MSI1: variants seen among roughly 807,000 people sequenced by gnomAD.
MSI1 encodes RNA-binding protein Musashi homolog 1.
Under a neutral mutation model 54.4 loss-of-function variants are expected in MSI1, and 15 were observed. The observed-to-expected ratio is 0.28, with a 90% CI of 0.18 to 0.42. MSI1 has a LOEUF of 0.42. Ranked by LOEUF, MSI1 falls within the 20% of genes least tolerant of loss-of-function variation. The pLI, the probability that MSI1 is intolerant of heterozygous loss-of-function variation, is 1.00. For missense variants in MSI1, 304 were observed against 506.0 expected (o/e 0.60, Z 3.83); for synonymous variants, 200 against 196.5 (o/e 1.02, Z -0.15).
In MSI1 at chr12:120,368,126, A is replaced by G; in HGVS notation, c.183-34T>C. The G allele has an allele frequency of 6.2e-7, 1 of 1,609,242 alleles. No individual in the cohort carries two copies. The highest frequency in any genetic ancestry group is 8.5e-7 in the Non-Finnish European group (1 of 1,177,864). On this transcript the variant is annotated intron_variant, in intron 3 of 14. Coordinates refer to ENST00000257552, the MANE Select transcript of MSI1 (RefSeq NM_002442.4). The surrounding 1 kb of genome is among the most constrained non-coding windows in gnomAD (Gnocchi z 6.6). Reference sequence around the variant, plus strand: ...CGTAGTGAGGGAGAGGCAGATGGTTACAAGGCAGTGAGTGGCGGGTGGAGG... The same window carrying G: ...CGTAGTGAGGGAGAGGCAGATGGTTGCAAGGCAGTGAGTGGCGGGTGGAGG...
intron 7 of MSI1, among the ~76,000 whole-genome samples, chr12:120,358,483 A>G (rs1875332851): frequency 6.6e-6 from 1 of 152,196 alleles, no homozygotes; most frequent in Non-Finnish European, 1.5e-5. Flanking sequence ...TGGAGAAACA[A>G]CCCTGTCTCC....
At chr12:120,340,886 CTTTTTTT>C (rs34926125), downstream of MSI1, among the ~76,000 whole-genome samples, 5 of 119,432 alleles carry the variant, frequency 4.2e-5, no homozygotes, top group East Asian at 2.4e-4. Context: ...TTCTCCTATT[CTTTTTTT>C]TTTTTTTTTT....
intron 9 of MSI1, among the ~76,000 whole-genome samples, chr12:120,355,192 T>C (rs1466442320): frequency 6.6e-6 from 1 of 151,312 alleles, no homozygotes; most frequent in Non-Finnish European, 1.5e-5. Flanking sequence ...GATCACGAGG[T>C]CAGGAGATCA....
chr12:120,355,984 T>C (rs1276468483), intron 9 of MSI1, among the ~76,000 whole-genome samples: 1 of 152,252 alleles, frequency 6.6e-6, no homozygotes, highest in East Asian at 1.9e-4. Context: ...AGGGAGCCTA[T>C]GAGCTTCCTG....
intron 9 of MSI1, among the ~76,000 whole-genome samples, chr12:120,355,170 C>T (rs1351834120): frequency 6.6e-6 from 1 of 151,712 alleles, no homozygotes; most frequent in East Asian, 1.9e-4. Flanking sequence ...CTTTGGGAGG[C>T]TGAGGCGGGC....
chr12:120,351,694 T>C (rs67278663), intron 10 of MSI1, among the ~76,000 whole-genome samples: 57,811 of 147,640 alleles, frequency 0.39, 13,339 homozygotes, highest in South Asian at 0.56. Context: ...GTTTCTTTTC[T>C]TTTTCTTTCT....
At chr12:120,352,611 AG>A (rs1874721932) in intron 10 of MSI1, among the ~76,000 whole-genome samples, 1 of 152,130 alleles carries the variant, frequency 6.6e-6, no homozygotes, top group Non-Finnish European at 1.5e-5. Flanking sequence ...AAGTTCTCCA[AG>A]CTGAACAGCC....
At chr12:120,362,469 C>T (rs1257848002) in intron 6 of MSI1, among the ~76,000 whole-genome samples, 3 of 152,164 alleles carry the variant, frequency 2.0e-5, no homozygotes, top group African/African-American at 7.2e-5. Context: ...ATTAAAGCTC[C>T]ATGCCCCTTA....
At chr12:120,344,230 T>C (rs1470491815) in intron 14 of MSI1, among the ~76,000 whole-genome samples, 1 of 152,228 alleles carries the variant, frequency 6.6e-6, no homozygotes, top group Non-Finnish European at 1.5e-5. Flanking sequence ...TTCCTTTTGA[T>C]GGATATTTCA....
intron 9 of MSI1, among the ~76,000 whole-genome samples, chr12:120,355,908 C>T (rs1413430895): frequency 1.3e-5 from 2 of 152,030 alleles, no homozygotes; most frequent in Admixed American, 6.5e-5. Flanking sequence ...TGTGCCACTC[C>T]CCCATGCCTG....
chr12:120,367,845 C>G (rs886285295), intron 4 of MSI1, among the ~76,000 whole-genome samples, 163 bp downstream of exon 4: 1 of 152,220 alleles, frequency 6.6e-6, no homozygotes, highest in Admixed American at 6.5e-5. Context: ...CTCTCCCCCC[C>G]AACTCTAGTG....
At chr12:120,355,359 C>G (rs528392670) in intron 9 of MSI1, among the ~76,000 whole-genome samples, 1 of 149,672 alleles carries the variant, frequency 6.7e-6, no homozygotes, top group African/African-American at 2.5e-5. Context: ...GAGCCAAGAT[C>G]CCGCCACTGC....
rs763415277 is a variant in MSI1, at chr12:120,353,397, C to A, written c.653-18G>T. 3.7e-6 allele frequency: 6 copies of A among 1,612,592 alleles called. No individual in the cohort carries two copies. The highest frequency in any genetic ancestry group is 5.1e-6 in the Non-Finnish European group (6 of 1,178,864). ...TGGGTAACCTGATGGGGCAAGGGGG[C>A]AGTGTCAGATGGCTCATCCACAGGG... On this transcript the variant is annotated intron_variant, in intron 9 of 14. Transcript: ENST00000257552.
chr12:120,347,499 G>A lies in MSI1; in HGVS notation c.806C>T (p.Ala269Val). The change falls in exon 12 of 15, where the codon GCC becomes GTC. Residue 269 changes from alanine (A) to valine (V), a missense_variant. This residue lies in a region of MSI1 where 147 missense variants were observed against 231.5 expected (regional missense o/e 0.64). Transcript: ENST00000257552. ...LPELTAIPLTAYGPMAAAAAA... is the reference protein window; with the variant it reads ...LPELTAIPLTVYGPMAAAAAA... Reference sequence around the variant, plus strand: ...CGCTGCCGCCGCCATTGGTCCGTAGGCAGTGAGAGGAATGGCTGAAAGGAA... The same window carrying A: ...CGCTGCCGCCGCCATTGGTCCGTAGACAGTGAGAGGAATGGCTGAAAGGAA... 3 of 1,614,144 alleles carry A rather than the reference G, an allele frequency of 1.9e-6. No homozygotes were observed. Among genetic ancestry groups the A allele is most frequent in the Non-Finnish European group, 2.5e-6 (3 of 1,180,048 alleles).
Position 120,363,027 on chromosome 12 carries a change from C to T in MSI1, c.402+16G>A, listed in dbSNP as rs189393039. 2,529 of 1,610,712 alleles carry T rather than the reference C, an allele frequency of 1.6e-3. 10 individuals carry two copies. The highest frequency in any genetic ancestry group is 0.011 in the Middle Eastern group (64 of 6,062). The stretch of plus-strand genomic sequence containing the variant: ...GTTCACAGCCCCAGCAGCAAGCGCC[C>T]CCAGTTTAAACCCACCTTCCCAAAC... On this transcript the variant is annotated intron_variant, in intron 6 of 14. Transcript: ENST00000257552.
intron 7 of MSI1, 97 bp downstream of exon 7, chr12:120,358,908 A>G: frequency 7.5e-7 from 1 of 1,337,218 alleles, no homozygotes; most frequent in Non-Finnish European, 1.0e-6. Context: ...CCTGGGGGAT[A>G]GGATGTCAGA....
rs1277522165 is a variant in MSI1 at position 120,341,747 on chromosome 12, CACAG to C, written c.*1376_*1379del. On this transcript the variant is annotated 3_prime_UTR_variant, in exon 15 of 15. Transcript: ENST00000257552. ...CAGGGCTGATAGGTTAAGCACCTCA[CACAG>C]ACAATTAACTCTCCAAAGGTGGGGT... is the stretch of plus-strand genomic sequence containing the variant. 2 of 151,880 alleles carry C rather than the reference CACAG, an allele frequency of 1.3e-5. No individual in the cohort carries two copies. Among genetic ancestry groups the C allele is most frequent in the African/African-American group, 2.4e-5 (1 of 41,146 alleles). The allele number at this position is 151,880 out of a possible 1,614,324, so 9.4% of individuals were successfully genotyped here.
chr12:120,355,030 CAAAAAAAAAAAAAAA>C (rs71076610), intron 9 of MSI1, among the ~76,000 whole-genome samples: 1 of 44,098 alleles, frequency 2.3e-5, no homozygotes, highest in African/African-American at 1.0e-4. Context: ...CCGTCTCTAC[CAAAAAAAAAAAAAAA>C]AAAAAAAAAA....
intron 4 of MSI1, among the ~76,000 whole-genome samples, chr12:120,366,986 C>G (rs542677092): frequency 6.6e-6 from 1 of 152,348 alleles, no homozygotes; most frequent in South Asian, 2.1e-4. Context: ...GCTTGGGTCA[C>G]TCAGGCTGCG....
Sources: allele counts gnomAD v4.1 joint callset (sites outside exome capture counted in the v4.1 genomes callset), GRCh38; gene constraint gnomAD v4.1.1; regional missense constraint gnomAD v4.1.1; non-coding constraint Gnocchi (gnomAD v3.1); transcripts MANE v1.5; gene names NCBI Gene and HGNC (gene_info 2026-07-23, HGNC 2026-07-21).